Variants in PDE3B observed in about 807,000 individuals in gnomAD.
The protein encoded by PDE3B is phosphodiesterase 3B.
Under a neutral mutation model 116.8 loss-of-function variants are expected in PDE3B, and 66 were observed. The ratio of observed to expected loss-of-function variants is 0.56; its 90% CI spans 0.46 to 0.69. PDE3B has a LOEUF of 0.69. Ranked by LOEUF, PDE3B falls within the 30% of genes least tolerant of loss-of-function variation. PDE3B has a pLI of 0.00. For synonymous variants in PDE3B, 595 were observed against 533.6 expected (o/e 1.12, Z -1.59); for missense variants, 1,384 against 1,368.1 (o/e 1.01, Z -0.18).
chr11:14,891,800 C>A, the PDE3B span: 5 of 1,408,464 alleles, frequency 3.5e-6, no homozygotes, highest in Non-Finnish European at 4.6e-6. Flanking sequence ...TGCAAGGGGG[C>A]ACGGCGTCGA....
chr11:14,874,729 T>C (rs1447320954), downstream of PDE3B, among the ~76,000 whole-genome samples: 2 of 152,228 alleles, frequency 1.3e-5, no homozygotes, highest in Non-Finnish European at 2.9e-5. Flanking sequence ...TTCTGTGTTC[T>C]ACCATTTCTC....
At chr11:14,749,908 A>ATC (rs1857012557) in intron 1 of PDE3B, among the ~76,000 whole-genome samples, 1 of 135,838 alleles carries the variant, frequency 7.4e-6, no homozygotes, top group African/African-American at 2.8e-5. Flanking sequence ...CCATATATAT[A>ATC]TATATGTATC....
At chr11:14,722,506 T>C (rs552429825) in intron 1 of PDE3B, among the ~76,000 whole-genome samples, 1 of 152,242 alleles carries the variant, frequency 6.6e-6, no homozygotes, top group African/African-American at 2.4e-5. Flanking sequence ...TATTCCGTTT[T>C]GTAAGATTTG....
rs575966267 is a variant in PDE3B, at chr11:14,779,566, C to T, written c.1030-6871C>T. 3.9e-5 allele frequency among the ~76,000 whole-genome samples: 6 copies of T among 152,258 alleles called. No homozygotes were observed. In the South Asian group the frequency reaches 8.3e-4, roughly 21 times the overall value. ...ACCCAGAATTTCATATCCATCCCAACTAAGCTTCATAAGTGAAGGAGAAAT... is the reference window on the plus strand; with the variant it reads ...ACCCAGAATTTCATATCCATCCCAATTAAGCTTCATAAGTGAAGGAGAAAT... On this transcript the variant is annotated intron_variant, in intron 2 of 15. Coordinates refer to ENST00000282096, the MANE Select transcript of PDE3B (RefSeq NM_000922.4).
rs1262014385 is a variant in PDE3B, at chr11:14,643,977, G to C, written c.-99G>C. Reference sequence around the variant, plus strand: ...GCAGCCCTGACGGGTTGCGAACCAGGGGGCGCCCCGAACGCGGGGGTTGGG... The same window carrying C: ...GCAGCCCTGACGGGTTGCGAACCAGCGGGCGCCCCGAACGCGGGGGTTGGG... On this transcript the variant is annotated 5_prime_UTR_variant, in exon 1 of 16. Transcript: ENST00000282096. The C allele has an allele frequency of 1.5e-6, 2 of 1,375,324 alleles. No individual in the cohort carries two copies. Among genetic ancestry groups the C allele is most frequent in the Non-Finnish European group, 1.9e-6 (2 of 1,072,288 alleles). 85.2% of individuals were successfully genotyped at this position (1,375,324 alleles called of 1,614,324 possible).
At chr11:14,710,921 A>G (rs185732055) in intron 1 of PDE3B, among the ~76,000 whole-genome samples, 3 of 152,362 alleles carry the variant, frequency 2.0e-5, no homozygotes, top group Admixed American at 2.0e-4. Flanking sequence ...TATTTGCCCA[A>G]AGAACTTTTC....
At chr11:14,783,439 A>G (rs1858092249) in intron 2 of PDE3B, among the ~76,000 whole-genome samples, 1 of 152,252 alleles carries the variant, frequency 6.6e-6, no homozygotes, top group South Asian at 2.1e-4. Context: ...ATAAAAATGG[A>G]TGAGTTCATG....
intron 4 of PDE3B, among the ~76,000 whole-genome samples, chr11:14,801,871 T>G (rs1221586286): frequency 6.6e-6 from 1 of 152,222 alleles, no homozygotes; most frequent in Non-Finnish European, 1.5e-5. Flanking sequence ...TCAATGGCCT[T>G]GCTGAGCTGC....
intron 1 of PDE3B, among the ~76,000 whole-genome samples, chr11:14,753,949 G>T (rs926774486): frequency 1.3e-5 from 2 of 151,656 alleles, no homozygotes; most frequent in East Asian, 3.9e-4. Flanking sequence ...TTTTTATTTT[G>T]TAATAAGATA....
intron 5 of PDE3B, among the ~76,000 whole-genome samples, chr11:14,812,103 C>T (rs1181115797): frequency 3.3e-5 from 5 of 151,898 alleles, no homozygotes; most frequent in South Asian, 2.1e-4. Context: ...TGGGTAGGAG[C>T]GACAGGAATA....
chr11:14,791,767 G>A (rs974685552), intron 4 of PDE3B, among the ~76,000 whole-genome samples: 3 of 152,016 alleles, frequency 2.0e-5, no homozygotes, highest in African/African-American at 4.8e-5. Context: ...CTGGGGGATT[G>A]GTTCCAGGCC....
chr11:14,708,674 G>A (rs1401902189), intron 1 of PDE3B, among the ~76,000 whole-genome samples: 1 of 152,002 alleles, frequency 6.6e-6, no homozygotes, highest in African/African-American at 2.4e-5. Flanking sequence ...GTGTGGTTAT[G>A]TAAGAGAATA....
chr11:14,756,308 T>C (rs1053455477), intron 1 of PDE3B, among the ~76,000 whole-genome samples: 5 of 152,098 alleles, frequency 3.3e-5, no homozygotes, highest in Non-Finnish European at 7.4e-5. Flanking sequence ...AATGGACTAG[T>C]TGAGGGTCAT....
At chr11:14,744,224 C>T (rs1856845486) in intron 1 of PDE3B, among the ~76,000 whole-genome samples, 1 of 152,132 alleles carries the variant, frequency 6.6e-6, no homozygotes, top group South Asian at 2.1e-4. Context: ...GAGTCTTATA[C>T]TGTTTCTTTT....
At chr11:14,799,196 A>G (rs1301378324) in intron 4 of PDE3B, among the ~76,000 whole-genome samples, 1 of 152,218 alleles carries the variant, frequency 6.6e-6, no homozygotes, top group Non-Finnish European at 1.5e-5. Context: ...TGTACCCAGT[A>G]GTCATTCAGG....
the PDE3B span, chr11:14,891,939 A>G: frequency 6.3e-7 from 1 of 1,599,764 alleles, no homozygotes. Flanking sequence ...AGCCCGGGCC[A>G]GCCTGGCGGC....
intron 1 of PDE3B, among the ~76,000 whole-genome samples, chr11:14,727,639 T>C (rs964923480): frequency 6.6e-6 from 1 of 152,178 alleles, no homozygotes; most frequent in Non-Finnish European, 1.5e-5. Context: ...TTGGTAACTC[T>C]ATTATTTTTA....
At chr11:14,673,993 T>A (rs1249588849) in intron 1 of PDE3B, 1 of 1,387,554 alleles carries the variant, frequency 7.2e-7, no homozygotes, top group Non-Finnish European at 1.0e-6. Context: ...TCCACATTTC[T>A]TCTTGGCAGG....
chr11:14,805,330 A>G (rs181010492), intron 5 of PDE3B, among the ~76,000 whole-genome samples: 15 of 152,360 alleles, frequency 9.8e-5, no homozygotes, highest in Admixed American at 6.5e-4. Flanking sequence ...AGACAATGGC[A>G]TATTTGAAAA....
Sources: gnomAD v4.1 joint callset for allele counts (sites outside exome capture counted in the v4.1 genomes callset) on GRCh38, gnomAD v4.1.1 for gene constraint, MANE v1.5 for transcripts, NCBI Gene and HGNC (gene_info 2026-07-23, HGNC 2026-07-21) for gene names.